Variants in IQCK observed in about 807,000 individuals in gnomAD.
IQCK encodes the protein IQ domain-containing protein K.
A neutral mutation model predicts 28.1 loss-of-function variants in IQCK; 29 were observed. The ratio of observed to expected loss-of-function variants is 1.03; its 90% CI spans 0.77 to 1.41. IQCK has a LOEUF of 1.41. Ranked by LOEUF, IQCK falls within the 40% of genes most tolerant of loss-of-function variation. IQCK has a pLI of 0.00. For synonymous variants in IQCK, 113 were observed against 115.1 expected (o/e 0.98, Z 0.12); for missense variants, 359 against 314.7 (o/e 1.14, Z -1.07).
At chr16:19,781,064 G>A (rs977564394) in intron 6 of IQCK, among the ~76,000 whole-genome samples, 1 of 152,154 alleles carries the variant, frequency 6.6e-6, no homozygotes, top group Non-Finnish European at 1.5e-5. Context: ...TAGGTGGTCT[G>A]CTCTTCTGAA....
intron 9 of IQCK, among the ~76,000 whole-genome samples, chr16:19,844,492 G>A (rs188427335): frequency 2.0e-5 from 3 of 152,140 alleles, no homozygotes; most frequent in African/African-American, 2.4e-5. Flanking sequence ...CGGATGACCC[G>A]GTGGCAGTAA....
At chr16:19,801,181 G>A (rs1193623219) in intron 7 of IQCK, among the ~76,000 whole-genome samples, 1 of 135,900 alleles carries the variant, frequency 7.4e-6, no homozygotes, top group East Asian at 2.0e-4. Context: ...GTGTGTGTGT[G>A]TCTATGTACA....
chr16:19,770,390 C>G (rs2055304287), intron 6 of IQCK, among the ~76,000 whole-genome samples: 1 of 152,158 alleles, frequency 6.6e-6, no homozygotes, highest in Non-Finnish European at 1.5e-5. Context: ...AAATTTATTA[C>G]TATACTGTTC....
intron 6 of IQCK, among the ~76,000 whole-genome samples, chr16:19,776,430 G>C (rs2055395985): frequency 6.6e-6 from 1 of 152,124 alleles, no homozygotes; most frequent in African/African-American, 2.4e-5. Flanking sequence ...CATGTCCTGG[G>C]CACGGTGGCC....
intron 9 of IQCK, among the ~76,000 whole-genome samples, chr16:19,850,236 C>T (rs2056466131): frequency 6.6e-6 from 1 of 152,080 alleles, no homozygotes; most frequent in Non-Finnish European, 1.5e-5. Flanking sequence ...TGGTGGGAGG[C>T]AGTTGTGAGA....
At chr16:19,774,802 G>A (rs186582119) in intron 6 of IQCK, among the ~76,000 whole-genome samples, 6 of 152,304 alleles carry the variant, frequency 3.9e-5, no homozygotes, top group Non-Finnish European at 7.4e-5. Context: ...CATGTTTCCC[G>A]TTTTCATGGA....
At chr16:19,718,526 G>A (rs1343111274) in intron 1 of IQCK, 39 bp downstream of exon 1, 25 of 1,513,328 alleles carry the variant, frequency 1.7e-5, no homozygotes, top group East Asian at 1.5e-4. Context: ...CGGGACCCGG[G>A]CGGCCGGACG....
chr16:19,841,224 CT>C (rs2056359212), intron 9 of IQCK, among the ~76,000 whole-genome samples: 1 of 152,154 alleles, frequency 6.6e-6, no homozygotes, highest in Non-Finnish European at 1.5e-5. Context: ...ACTGGTAATA[CT>C]TTGGTGGCTA....
intron 4 of IQCK, chr16:19,736,286 C>G: frequency 2.4e-6 from 1 of 412,096 alleles, no homozygotes; most frequent in Non-Finnish European, 4.8e-6. Flanking sequence ...CTTTTTGAGA[C>G]AGGGTCTTGC....
At chr16:19,827,276 C>T, downstream of IQCK, 1 of 631,000 alleles carries the variant, frequency 1.6e-6, no homozygotes, top group Non-Finnish European at 2.8e-6. Context: ...GAAGTGGCTG[C>T]ATATTAAGAT....
intron 4 of IQCK, among the ~76,000 whole-genome samples, chr16:19,748,481 G>A (rs1213625208): frequency 5.9e-5 from 9 of 152,158 alleles, no homozygotes; most frequent in South Asian, 2.1e-4. Context: ...GTAGTACATC[G>A]TAGTAATATG....
intron 9 of IQCK, among the ~76,000 whole-genome samples, chr16:19,850,411 A>G (rs1360048812): frequency 6.6e-6 from 1 of 152,246 alleles, no homozygotes; most frequent in Admixed American, 6.5e-5. Context: ...GGGCTTCATA[A>G]GTACCATAGA....
intron 2 of IQCK, among the ~76,000 whole-genome samples, chr16:19,733,139 A>AT (rs1393394381): frequency 1.0e-4 from 15 of 150,034 alleles, no homozygotes; most frequent in African/African-American, 3.0e-4. Flanking sequence ...TCTTTTATTT[A>AT]TTTATTTTTT....
chr16:19,823,823 C>T (rs946656431), intron 7 of IQCK, among the ~76,000 whole-genome samples: 2 of 152,142 alleles, frequency 1.3e-5, no homozygotes, highest in Non-Finnish European at 2.9e-5. Context: ...ATCCCAGCTA[C>T]TCGTGAGGCT....
chr16:19,736,176 G>A, intron 4 of IQCK: 1 of 449,036 alleles, frequency 2.2e-6, no homozygotes, highest in Non-Finnish European at 4.4e-6. Flanking sequence ...ACTGCTCGCA[G>A]AGAGTCTTGG....
intron 2 of IQCK, among the ~76,000 whole-genome samples, chr16:19,732,565 A>G (rs769646607): frequency 6.6e-6 from 1 of 152,156 alleles, no homozygotes; most frequent in Non-Finnish European, 1.5e-5. Context: ...AGCTCAAGCG[A>G]TCTTCCCGCC....
At chr16:19,812,908 A>G (rs1016304321) in intron 7 of IQCK, among the ~76,000 whole-genome samples, 4 of 152,266 alleles carry the variant, frequency 2.6e-5, no homozygotes, top group African/African-American at 7.2e-5. Flanking sequence ...AATTGAATCA[A>G]TGTACTAAAG....
intron 7 of IQCK, among the ~76,000 whole-genome samples, chr16:19,820,118 A>G (rs2056049722): frequency 6.6e-6 from 1 of 152,140 alleles, no homozygotes; most frequent in Admixed American, 6.6e-5. Flanking sequence ...TACACTACCC[A>G]ACTCTTAGAA....
intron 4 of IQCK, among the ~76,000 whole-genome samples, chr16:19,739,037 A>G (rs1181067987): frequency 6.6e-6 from 1 of 152,094 alleles, no homozygotes; most frequent in Non-Finnish European, 1.5e-5. Flanking sequence ...ATCCTGAACA[A>G]TTCAGCTGTG....
Sources: allele counts gnomAD v4.1 joint callset (sites outside exome capture counted in the v4.1 genomes callset), GRCh38; gene constraint gnomAD v4.1.1; transcripts MANE v1.5; gene names NCBI Gene and HGNC (gene_info 2026-07-23, HGNC 2026-07-21).